The following PHTF1 variants were observed in gnomAD, a reference collection of about 807,000 sequenced individuals.
PHTF1 encodes the protein protein PHTF1.
In PHTF1, 88 loss-of-function variants were observed where a neutral mutation model predicts 102.4. The observed-to-expected ratio is 0.86, with a 90% CI of 0.72 to 1.03. PHTF1 has a LOEUF of 1.03. Ranked by LOEUF, PHTF1 falls within the 50% of genes least tolerant of loss-of-function variation. PHTF1 has a pLI of 0.00. For missense variants in PHTF1, 814 were observed against 909.5 expected (o/e 0.89, Z 1.35); for synonymous variants, 289 against 305.2 (o/e 0.95, Z 0.55).
chr1:113,708,187 A>G (rs577432085), intron 11 of PHTF1, among the ~76,000 whole-genome samples: 1 of 152,336 alleles, frequency 6.6e-6, no homozygotes, highest in South Asian at 2.1e-4. Flanking sequence ...AGGAAAATGA[A>G]AGGAACAGAG....
At chr1:113,734,948 C>G (rs1338934508) in intron 5 of PHTF1, among the ~76,000 whole-genome samples, 1 of 152,174 alleles carries the variant, frequency 6.6e-6, no homozygotes. Context: ...GCCTCCAAAA[C>G]TGTCAAAAAT....
intron 7 of PHTF1, among the ~76,000 whole-genome samples, chr1:113,721,461 C>G (rs1361180694): frequency 6.6e-6 from 1 of 152,188 alleles, no homozygotes; most frequent in African/African-American, 2.4e-5. Context: ...ACAAAGATGC[C>G]CACTTTCATC....
intron 3 of PHTF1, among the ~76,000 whole-genome samples, chr1:113,745,296 C>T (rs1308346694): frequency 6.6e-6 from 1 of 151,998 alleles, no homozygotes; most frequent in Non-Finnish European, 1.5e-5. Flanking sequence ...GAAAAATAAT[C>T]AAATTTGTGT....
intron 5 of PHTF1, among the ~76,000 whole-genome samples, chr1:113,733,718 G>A (rs1355839094): frequency 6.6e-6 from 1 of 152,124 alleles, no homozygotes; most frequent in African/African-American, 2.4e-5. Context: ...TTTCAGAACT[G>A]TGAGAAATAA....
At chr1:113,738,358 C>A in intron 4 of PHTF1, 90 bp from the exon 5 acceptor site, 1 of 876,096 alleles carries the variant, frequency 1.1e-6, no homozygotes, top group Non-Finnish European at 1.8e-6. Context: ...TAGGTGAGTG[C>A]AAAAATCAGC....
At chr1:113,732,279 C>T (rs899871933) in intron 5 of PHTF1, among the ~76,000 whole-genome samples, 3 of 152,118 alleles carry the variant, frequency 2.0e-5, no homozygotes, top group South Asian at 2.1e-4. Context: ...AGGTGGATCA[C>T]GAGGTCAGGA....
At chr1:113,737,776 G>A (rs1205237021) in intron 5 of PHTF1, among the ~76,000 whole-genome samples, 2 of 152,164 alleles carry the variant, frequency 1.3e-5, no homozygotes, top group Non-Finnish European at 2.9e-5. Flanking sequence ...TCCAGCCTGG[G>A]TGACAGAGAG....
chr1:113,707,411 T>C (rs1650379849), intron 11 of PHTF1, among the ~76,000 whole-genome samples: 1 of 152,218 alleles, frequency 6.6e-6, no homozygotes, highest in African/African-American at 2.4e-5. Flanking sequence ...ACCAACATGG[T>C]CCTCTCTGAC....
chr1:113,712,546 G>A (rs1232169191), intron 8 of PHTF1, among the ~76,000 whole-genome samples: 1 of 152,150 alleles, frequency 6.6e-6, no homozygotes, highest in Non-Finnish European at 1.5e-5. Flanking sequence ...TTATAGTAAC[G>A]GCTCAATAAT....
At chr1:113,708,101 G>A (rs1434014766) in intron 11 of PHTF1, among the ~76,000 whole-genome samples, 1 of 152,028 alleles carries the variant, frequency 6.6e-6, no homozygotes, top group Non-Finnish European at 1.5e-5. Flanking sequence ...AAGCAATCCA[G>A]AAAGAAGAAA....
chr1:113,714,293 C>G (rs1651616441), intron 7 of PHTF1: 1 of 152,124 alleles, frequency 6.6e-6, no homozygotes, highest in African/African-American at 2.4e-5. Context: ...GGTACAAGCT[C>G]AACCACAGTG....
chr1:113,738,597 A>C (rs1448843813), intron 4 of PHTF1, 133 bp downstream of exon 4: 1 of 636,306 alleles, frequency 1.6e-6, no homozygotes, highest in Non-Finnish European at 2.8e-6. Context: ...AAAAAGTGCT[A>C]AAGCCTGAAT....
At position 113,705,872 on chromosome 1, in the gene PHTF1, C is replaced by T; in HGVS notation, c.1671+18G>A. 2.5e-6 allele frequency: 4 copies of T among 1,593,330 alleles called. No homozygotes were observed. Among genetic ancestry groups the T allele is most frequent in the Non-Finnish European group, 3.4e-6 (4 of 1,171,048 alleles). ...TATACAAAAACAGGTAAAAAATTTT[C>T]CTTATTTCTCCACTGACCTGTTTAT... On this transcript the variant is annotated intron_variant, in intron 13 of 18. Coordinates refer to ENST00000369604, the MANE Select transcript of PHTF1 (RefSeq NM_001323043.2).
chr1:113,745,434 T>G (rs759029137), intron 3 of PHTF1, among the ~76,000 whole-genome samples: 1 of 151,174 alleles, frequency 6.6e-6, no homozygotes, highest in Non-Finnish European at 1.5e-5. Context: ...TAATCAGGAG[T>G]GGACAAAATT....
intron 15 of PHTF1, among the ~76,000 whole-genome samples, chr1:113,701,915 A>C (rs929142915): frequency 2.6e-5 from 4 of 151,378 alleles, no homozygotes; most frequent in Non-Finnish European, 5.9e-5. Context: ...AACTGAGGGA[A>C]TTCATCACCA....
chr1:113,713,632 C>G, intron 7 of PHTF1, 194 bp from the exon 8 acceptor site: 1 of 527,826 alleles, frequency 1.9e-6, no homozygotes, highest in Non-Finnish European at 3.3e-6. Context: ...GAATGTGAGT[C>G]TATTCTTCAA....
chr1:113,746,899 A>C (rs1326696764), intron 3 of PHTF1: 1 of 663,272 alleles, frequency 1.5e-6, no homozygotes, highest in Non-Finnish European at 1.9e-6. Flanking sequence ...CTTTACTTCT[A>C]AAACAAAAAA....
chr1:113,739,543 T>C (rs1281709655), intron 3 of PHTF1, among the ~76,000 whole-genome samples: 1 of 151,448 alleles, frequency 6.6e-6, no homozygotes, highest in Non-Finnish European at 1.5e-5. Context: ...GATCAAACTA[T>C]ATCTATCACC....
intron 7 of PHTF1, among the ~76,000 whole-genome samples, chr1:113,723,821 A>G (rs757249123): frequency 1.8e-4 from 28 of 152,228 alleles, no homozygotes; most frequent in Non-Finnish European, 3.7e-4. Context: ...GGAAACAATC[A>G]ACCAAGTGAA....
Sources: gnomAD v4.1 joint callset for allele counts (sites outside exome capture counted in the v4.1 genomes callset) on GRCh38, gnomAD v4.1.1 for gene constraint, MANE v1.5 for transcripts, NCBI Gene and HGNC (gene_info 2026-07-23, HGNC 2026-07-21) for gene names.